Variants in SLC38A9 observed in about 807,000 individuals in gnomAD.
The protein encoded by SLC38A9 is solute carrier family 38 member 9.
SLC38A9 carries 48 observed loss-of-function variants against 62.3 expected under a neutral mutation model. The ratio of observed to expected loss-of-function variants is 0.77; its 90% CI spans 0.61 to 0.98. The LOEUF is 0.98. Among genes scored for constraint, SLC38A9 ranks in the 50% least tolerant of loss-of-function variants. The pLI is 0.00. For missense variants in SLC38A9, 541 were observed against 679.8 expected (o/e 0.80, Z 2.27); for synonymous variants, 204 against 227.7 (o/e 0.90, Z 0.94).
rs1378455526 is a variant in SLC38A9 at position 55,669,551 on chromosome 5, T to G, written c.432+6A>C. ...GGCAAAAAGTGTGCTGAAAAATTAGTATTACCTGTTTTATGCCCCAAGGAA... is the reference window on the plus strand; with the variant it reads ...GGCAAAAAGTGTGCTGAAAAATTAGGATTACCTGTTTTATGCCCCAAGGAA... On this transcript the variant is annotated splice_donor_region_variant and intron_variant, in intron 6 of 15. Coordinates refer to ENST00000396865, the MANE Select transcript of SLC38A9 (RefSeq NM_173514.4). 8 of 1,600,554 alleles carry G rather than the reference T, an allele frequency of 5.0e-6. No homozygotes were observed. The highest frequency in any genetic ancestry group is 6.8e-6 in the Non-Finnish European group (8 of 1,173,894).
At chr5:55,680,544 G>A (rs1435559869) in intron 3 of SLC38A9, among the ~76,000 whole-genome samples, 1 of 152,202 alleles carries the variant, frequency 6.6e-6, no homozygotes, top group Non-Finnish European at 1.5e-5. Flanking sequence ...CAGCAACAAG[G>A]CCCGTGTCAG....
chr5:55,690,915 A>G (rs1333131048), intron 3 of SLC38A9, among the ~76,000 whole-genome samples: 3 of 152,202 alleles, frequency 2.0e-5, no homozygotes, highest in Non-Finnish European at 4.4e-5. Context: ...TTGTCCTTAT[A>G]TATTTTTCCT....
intron 12 of SLC38A9, among the ~76,000 whole-genome samples, chr5:55,642,206 C>T (rs1445660743): frequency 2.0e-5 from 3 of 152,136 alleles, no homozygotes; most frequent in Non-Finnish European, 2.9e-5. Context: ...CCACCACACC[C>T]GGCTAATTTT....
intron 3 of SLC38A9, among the ~76,000 whole-genome samples, chr5:55,686,800 T>G (rs1753881685): frequency 6.6e-6 from 1 of 152,180 alleles, no homozygotes; most frequent in Non-Finnish European, 1.5e-5. Context: ...TTGTATATGG[T>G]TAAGGAAAAG....
chr5:55,626,703 T>C, intron 15 of SLC38A9, 44 bp from the exon 16 acceptor site: 1 of 1,526,658 alleles, frequency 6.6e-7, no homozygotes, highest in African/African-American at 1.4e-5. Context: ...TCTTGCACTT[T>C]GCTTTTTACA....
At chr5:55,699,829 T>G (rs1456006143) in intron 2 of SLC38A9, among the ~76,000 whole-genome samples, 2 of 151,962 alleles carry the variant, frequency 1.3e-5, no homozygotes, top group Admixed American at 6.5e-5. Flanking sequence ...CTACCTAGAA[T>G]GTGGCAGAGA....
At chr5:55,639,272 TAAAA>T (rs753043231) in intron 12 of SLC38A9, among the ~76,000 whole-genome samples, 92 of 54,648 alleles carry the variant, frequency 1.7e-3, no homozygotes, top group African/African-American at 6.0e-3. Flanking sequence ...AAACTCTGTC[TAAAA>T]AAAAAAAAAA....
intron 3 of SLC38A9, chr5:55,691,334 A>G (rs1437099749): frequency 6.9e-7 from 1 of 1,447,148 alleles, no homozygotes; most frequent in Admixed American, 2.5e-5. Context: ...AATAAGGGGC[A>G]GAAGAAAAAT....
intron 12 of SLC38A9, among the ~76,000 whole-genome samples, chr5:55,641,002 A>T (rs936236769): frequency 4.6e-5 from 7 of 151,910 alleles, no homozygotes; most frequent in African/African-American, 1.7e-4. Context: ...ACGCCCAGCT[A>T]ATTTTTTTTG....
rs572029128 is a variant in SLC38A9 at position 55,664,315 on chromosome 5, T to G, written c.697+378A>C. ...TAATATATTTATCACATAAATTCCA[T>G]TATTCTTTGACTTCCTAATCTTATA... On this transcript the variant is annotated intron_variant, in intron 8 of 15. Coordinates refer to ENST00000396865, the MANE Select transcript of SLC38A9 (RefSeq NM_173514.4). 6.6e-5 allele frequency among the ~76,000 whole-genome samples: 10 copies of G among 152,274 alleles called. No individual in the cohort carries two copies. The South Asian group carries it at 2.1e-3, about 32-fold the overall frequency.
chr5:55,703,816 C>G (rs956795765), intron 2 of SLC38A9, among the ~76,000 whole-genome samples: 4 of 152,146 alleles, frequency 2.6e-5, no homozygotes, highest in Admixed American at 2.0e-4. Flanking sequence ...GACTAATTAA[C>G]TTGAAAAGAT....
chr5:55,680,843 T>A (rs1215488406), intron 3 of SLC38A9, among the ~76,000 whole-genome samples: 2 of 152,232 alleles, frequency 1.3e-5, no homozygotes, highest in Admixed American at 1.3e-4. Context: ...TCAATCCAGA[T>A]GGCAAATATT....
chr5:55,684,406 T>C lies in SLC38A9; in HGVS notation c.114-11711A>G, dbSNP rs564570261. 1.3e-3 allele frequency among the ~76,000 whole-genome samples: 199 copies of C among 152,342 alleles called. 1 individual carries two copies. Among genetic ancestry groups the C allele is most frequent in the Middle Eastern group, 0.01 (3 of 294 alleles). On this transcript the variant is annotated intron_variant, in intron 3 of 15. Transcript: ENST00000396865. The stretch of plus-strand genomic sequence containing the variant: ...TTTATATTGGCTTTGGGAAGTCAAT[T>C]TGAGACAGGAGCAATCCTAGATCAC...
chr5:55,708,392 G>A (rs144896519), intron 2 of SLC38A9, among the ~76,000 whole-genome samples: 14 of 152,332 alleles, frequency 9.2e-5, no homozygotes, highest in African/African-American at 2.4e-4. Context: ...GACATAGAGA[G>A]CAATCAAAGT....
chr5:55,682,425 A>C (rs962361026), intron 3 of SLC38A9, among the ~76,000 whole-genome samples: 2 of 152,196 alleles, frequency 1.3e-5, no homozygotes, highest in African/African-American at 4.8e-5. Context: ...GGAGTATGCC[A>C]CAGGATTCTT....
chr5:55,689,185 C>A (rs970013251), intron 3 of SLC38A9, among the ~76,000 whole-genome samples: 1 of 152,082 alleles, frequency 6.6e-6, no homozygotes, highest in Non-Finnish European at 1.5e-5. Flanking sequence ...GCAAATGAAC[C>A]AGGGCTTTTT....
chr5:55,662,988 A>C (rs1165986162), intron 8 of SLC38A9, among the ~76,000 whole-genome samples: 1 of 151,056 alleles, frequency 6.6e-6, no homozygotes, highest in African/African-American at 2.4e-5. Flanking sequence ...TCTGCCTCCC[A>C]GGTTCAAGAG....
chr5:55,673,872 T>A (rs4865619), intron 3 of SLC38A9, among the ~76,000 whole-genome samples: 1 of 151,844 alleles, frequency 6.6e-6, no homozygotes, highest in Non-Finnish European at 1.5e-5. Context: ...CCACCATGCC[T>A]GACTAATTTT....
chr5:55,652,388 A>C lies in SLC38A9; in HGVS notation c.952+141T>G, dbSNP rs1236589633. On this transcript the variant is annotated intron_variant, in intron 10 of 15. Coordinates refer to ENST00000396865, the MANE Select transcript of SLC38A9 (RefSeq NM_173514.4). ...AAAAAAAAAAAAAAAGAAAGAAAGA[A>C]AGAACAAAACAAAAACGAATGAACA... 2.8e-4 allele frequency: 123 copies of C among 446,096 alleles called. 1 individual carries two copies. The highest frequency in any genetic ancestry group is 2.3e-5 in the Non-Finnish European group (6 of 265,604). The allele number at this position is 446,096 out of a possible 1,614,324, so 27.6% of individuals were successfully genotyped here. A position where few individuals can be genotyped will look rare whatever the true frequency, so the allele number is the denominator to read the frequency against.
Sources: gnomAD v4.1 joint callset for allele counts (sites outside exome capture counted in the v4.1 genomes callset) on GRCh38, gnomAD v4.1.1 for gene constraint, MANE v1.5 for transcripts, NCBI Gene and HGNC (gene_info 2026-07-23, HGNC 2026-07-21) for gene names.